Variants in KSR2 observed in about 807,000 individuals in gnomAD.
KSR2 encodes kinase suppressor of ras 2.
Under a neutral mutation model 107.8 loss-of-function variants are expected in KSR2, and 25 were observed. The ratio of observed to expected loss-of-function variants is 0.23; its 90% CI spans 0.17 to 0.32. The LOEUF is 0.32. Among genes scored for constraint, KSR2 ranks in the 10% least tolerant of loss-of-function variants. The pLI, the probability that KSR2 is intolerant of heterozygous loss-of-function variation, is 1.00. For synonymous variants in KSR2, 480 were observed against 507.0 expected (o/e 0.95, Z 0.71); for missense variants, 887 against 1,268.9 (o/e 0.70, Z 4.57).
At chr12:117,555,011 T>C (rs761808141) in intron 9 of KSR2, among the ~76,000 whole-genome samples, 158 bp downstream of exon 9, 6 of 152,126 alleles carry the variant, frequency 3.9e-5, no homozygotes, top group Non-Finnish European at 8.8e-5. Flanking sequence ...TCTCTGGACG[T>C]CCCTCAAGCT....
rs1028512146 is a variant in KSR2, at chr12:117,502,560, G to A, written c.2220-16869C>T. 1.6e-4 allele frequency among the ~76,000 whole-genome samples: 24 copies of A among 152,106 alleles called. No homozygotes were observed. In the South Asian group the frequency reaches 1.9e-3, roughly 12 times the overall value. On this transcript the variant is annotated intron_variant, in intron 14 of 19. Coordinates refer to ENST00000339824, the MANE Select transcript of KSR2 (RefSeq NM_173598.6). ...CGAATCGATTCCGTTTTTTTGAGGA[G>A]AGAGAAAATGTTCTAAAATTAGATT...
chr12:117,767,178 C>A (rs985351723), intron 3 of KSR2, among the ~76,000 whole-genome samples: 5 of 151,270 alleles, frequency 3.3e-5, no homozygotes, highest in African/African-American at 1.2e-4. Flanking sequence ...CTTTGGGAGG[C>A]CGAGATGGGC....
intron 5 of KSR2, among the ~76,000 whole-genome samples, chr12:117,657,824 G>A (rs1179639682): frequency 6.6e-6 from 1 of 152,202 alleles, no homozygotes; most frequent in Non-Finnish European, 1.5e-5. Flanking sequence ...CTAGCTCCAT[G>A]CCAGGCACAG....
chr12:117,797,885 A>G (rs1273753254), intron 3 of KSR2, among the ~76,000 whole-genome samples: 1 of 152,108 alleles, frequency 6.6e-6, no homozygotes, highest in Non-Finnish European at 1.5e-5. Context: ...TCTGGGGCTC[A>G]AGCAATCCTC....
At chr12:117,730,439 C>T (rs1380662973) in intron 4 of KSR2, among the ~76,000 whole-genome samples, 1 of 151,580 alleles carries the variant, frequency 6.6e-6, no homozygotes, top group Non-Finnish European at 1.5e-5. Flanking sequence ...TCTCCCTCTC[C>T]TCTTTCCACA....
At chr12:117,763,486 G>A (rs565858139) in intron 3 of KSR2, among the ~76,000 whole-genome samples, 3 of 152,292 alleles carry the variant, frequency 2.0e-5, no homozygotes, top group African/African-American at 7.2e-5. Context: ...AATGCATAAA[G>A]ATCCAACAAC....
At chr12:117,515,281 C>T (rs569909513) in intron 14 of KSR2, among the ~76,000 whole-genome samples, 6 of 152,318 alleles carry the variant, frequency 3.9e-5, no homozygotes, top group African/African-American at 1.2e-4. Flanking sequence ...TCTCCCACAT[C>T]CTATAGTCAT....
intron 5 of KSR2, among the ~76,000 whole-genome samples, chr12:117,641,344 C>T (rs1883346913): frequency 6.6e-6 from 1 of 152,166 alleles, no homozygotes; most frequent in Non-Finnish European, 1.5e-5. Context: ...GCCGACCCAC[C>T]TGCCTCTGCC....
chr12:117,847,938 A>G (rs905492732), intron 3 of KSR2, among the ~76,000 whole-genome samples: 1 of 152,206 alleles, frequency 6.6e-6, no homozygotes, highest in African/African-American at 2.4e-5. Context: ...ATGCAGAGAA[A>G]GTGCTTGATA....
chr12:117,706,516 T>G (rs1886536758), intron 4 of KSR2, among the ~76,000 whole-genome samples: 1 of 151,888 alleles, frequency 6.6e-6, no homozygotes, highest in South Asian at 2.1e-4. Context: ...CCATTCTGCT[T>G]GGGTAACAGA....
In KSR2 at chr12:117,761,254, A is replaced by G; in HGVS notation, c.743T>C (p.Leu248Pro). ...GTGCCGCTGCCGGGGCGATGGGGGCAGGGAACGGTGGCCCGACTCCAGTGG... is the reference window on the plus strand; with the variant it reads ...GTGCCGCTGCCGGGGCGATGGGGGCGGGGAACGGTGGCCCGACTCCAGTGG... ...PPPLESGHRS[L>P]PPSPRQRHAV... The change falls in exon 4 of 20, where the codon CTG (leucine) becomes CCG (proline). Residue 248 changes from leucine to proline, a missense_variant. By Grantham distance (98) the Leu-to-Pro change is moderately conservative (BLOSUM62 -3). Transcript: ENST00000339824. The G allele has an allele frequency of 6.5e-7, 1 of 1,535,590 alleles. No individual in the cohort carries two copies. The highest frequency in any genetic ancestry group is 2.3e-5 in the East Asian group (1 of 43,934).
At chr12:117,925,415 C>T (rs1895484883) in intron 1 of KSR2, among the ~76,000 whole-genome samples, 1 of 152,110 alleles carries the variant, frequency 6.6e-6, no homozygotes, top group Non-Finnish European at 1.5e-5. Context: ...TAAGCCACCA[C>T]GTCCAGCTTA....
chr12:117,764,254 TA>T (rs1158631114), intron 3 of KSR2, among the ~76,000 whole-genome samples: 3 of 151,444 alleles, frequency 2.0e-5, no homozygotes, highest in Non-Finnish European at 4.4e-5. Flanking sequence ...TTTTTTTTTT[TA>T]AGGAAAAAAA....
intron 14 of KSR2, among the ~76,000 whole-genome samples, chr12:117,494,219 G>A (rs1872901161): frequency 6.6e-6 from 1 of 152,080 alleles, no homozygotes; most frequent in Non-Finnish European, 1.5e-5. Flanking sequence ...TTCTATGGGG[G>A]TCTGCACCTG....
At chr12:117,919,685 T>A (rs1243489777) in intron 1 of KSR2, among the ~76,000 whole-genome samples, 2 of 152,194 alleles carry the variant, frequency 1.3e-5, no homozygotes, top group African/African-American at 2.4e-5. Context: ...TTCTGGGCAA[T>A]GAATCATGAA....
At chr12:117,712,876 A>G (rs913993933) in intron 4 of KSR2, among the ~76,000 whole-genome samples, 6 of 152,226 alleles carry the variant, frequency 3.9e-5, no homozygotes, top group African/African-American at 1.4e-4. Flanking sequence ...CAGATGATAG[A>G]TCGCTATAGA....
At chr12:117,856,633 C>G (rs1433452830) in intron 2 of KSR2, among the ~76,000 whole-genome samples, 1 of 152,068 alleles carries the variant, frequency 6.6e-6, no homozygotes, top group Non-Finnish European at 1.5e-5. Flanking sequence ...CTCACCACCA[C>G]GCCTGGCTAA....
intron 14 of KSR2, among the ~76,000 whole-genome samples, chr12:117,503,827 G>A (rs960136087): frequency 6.6e-6 from 1 of 152,084 alleles, no homozygotes; most frequent in East Asian, 1.9e-4. Flanking sequence ...AAGACAGACA[G>A]GGACAACAGC....
chr12:117,884,840 CCTT>C (rs1181799259), intron 1 of KSR2, among the ~76,000 whole-genome samples: 3 of 152,178 alleles, frequency 2.0e-5, no homozygotes, highest in East Asian at 1.9e-4. Flanking sequence ...ATCTCTGTTT[CCTT>C]CTTCTCTACC....
Sources: allele counts gnomAD v4.1 joint callset (sites outside exome capture counted in the v4.1 genomes callset), GRCh38; gene constraint gnomAD v4.1.1; transcripts MANE v1.5; gene names NCBI Gene and HGNC (gene_info 2026-07-23, HGNC 2026-07-21).